The following ASIC2 variants were observed in gnomAD, a reference collection of about 807,000 sequenced individuals.
ASIC2 encodes the protein acid-sensing ion channel 2.
ASIC2 carries 25 observed loss-of-function variants against 57.3 expected under a neutral mutation model. The observed-to-expected ratio is 0.44, with a 90% CI of 0.32 to 0.61. ASIC2 has a LOEUF of 0.61. ASIC2 is among the 20% of genes least tolerant of loss of function. ASIC2 has a pLI of 0.06. For missense variants in ASIC2, 641 were observed against 738.1 expected, an observed-to-expected ratio of 0.87 and a Z score of 1.52; for synonymous variants, 319 against 307.5, an observed-to-expected ratio of 1.04 and a Z score of -0.39.
At chr17:33,559,402 A>T (rs555618707) in intron 1 of ASIC2, among the ~76,000 whole-genome samples, 3 of 152,186 alleles carry the variant, frequency 2.0e-5, no homozygotes, top group African/African-American at 4.8e-5. Context: ...CATGCTCTAT[A>T]TGGGCTCTGC....
chr17:33,233,674 T>C (rs1428683836), intron 1 of ASIC2, among the ~76,000 whole-genome samples: 1 of 152,040 alleles, frequency 6.6e-6, no homozygotes, highest in Non-Finnish European at 1.5e-5. Flanking sequence ...ACACATGCTG[T>C]GTAGGCTGAC....
At chr17:33,312,826 T>C (rs2142206965) in intron 1 of ASIC2, among the ~76,000 whole-genome samples, 1 of 152,116 alleles carries the variant, frequency 6.6e-6, no homozygotes, top group South Asian at 2.1e-4. Context: ...ATCCTGGCTC[T>C]TCGGGAAGCC....
At chr17:33,399,436 T>C (rs990179859) in intron 1 of ASIC2, among the ~76,000 whole-genome samples, 2 of 151,726 alleles carry the variant, frequency 1.3e-5, no homozygotes, top group African/African-American at 4.8e-5. Flanking sequence ...ACATCCCCCT[T>C]CCCCCTCTGT....
chr17:34,007,028 T>A (rs772953269), intron 1 of ASIC2, among the ~76,000 whole-genome samples: 4 of 152,186 alleles, frequency 2.6e-5, no homozygotes, highest in Non-Finnish European at 5.9e-5. Flanking sequence ...CCATCCTGGT[T>A]TGACCATGCC....
At chr17:33,149,121 A>G (rs1168120230) in intron 1 of ASIC2, among the ~76,000 whole-genome samples, 1 of 152,172 alleles carries the variant, frequency 6.6e-6, no homozygotes, top group Non-Finnish European at 1.5e-5. Context: ...ACAAAAACAA[A>G]AAAACAAAAA....
At chr17:33,870,601 T>A (rs1914379076) in intron 1 of ASIC2, among the ~76,000 whole-genome samples, 1 of 151,944 alleles carries the variant, frequency 6.6e-6, no homozygotes, top group South Asian at 2.1e-4. Flanking sequence ...ATTTTCGGAA[T>A]CTACTTGTTG....
chr17:33,564,045 A>T (rs955780328), intron 1 of ASIC2, among the ~76,000 whole-genome samples: 1 of 152,190 alleles, frequency 6.6e-6, no homozygotes, highest in Non-Finnish European at 1.5e-5. Context: ...CCCTGCAGGA[A>T]GTCACATATT....
At chr17:34,067,123 T>A (rs1187150502) in intron 1 of ASIC2, among the ~76,000 whole-genome samples, 1 of 152,190 alleles carries the variant, frequency 6.6e-6, no homozygotes, top group African/African-American at 2.4e-5. Context: ...TTGTGTCACA[T>A]TTCTTTGTAT....
chr17:33,234,148 T>G (rs1244661551), intron 1 of ASIC2, among the ~76,000 whole-genome samples: 1 of 152,200 alleles, frequency 6.6e-6, no homozygotes, highest in Non-Finnish European at 1.5e-5. Context: ...CTGGAGCGAT[T>G]TTTTTTCTTT....
intron 1 of ASIC2, among the ~76,000 whole-genome samples, chr17:33,841,427 A>G (rs1229802513): frequency 3.3e-5 from 5 of 152,270 alleles, no homozygotes; most frequent in Non-Finnish European, 7.3e-5. Flanking sequence ...GCTGGAGGCT[A>G]TTAGCCACCT....
At chr17:34,114,398 G>A (rs756362603) in intron 1 of ASIC2, among the ~76,000 whole-genome samples, 1 of 152,144 alleles carries the variant, frequency 6.6e-6, no homozygotes, top group African/African-American at 2.4e-5. Context: ...AGGTCTGTGA[G>A]GGTGAGAGAG....
intron 1 of ASIC2, among the ~76,000 whole-genome samples, chr17:33,690,813 A>G (rs7502921): frequency 0.046 from 6,241 of 135,588 alleles, 435 homozygotes; most frequent in African/African-American, 0.16. Context: ...TCAGTGGCGC[A>G]ATCTTGGCTC....
intron 1 of ASIC2, among the ~76,000 whole-genome samples, chr17:33,998,447 G>A (rs1291164639): frequency 6.6e-6 from 1 of 151,778 alleles, no homozygotes; most frequent in Non-Finnish European, 1.5e-5. Flanking sequence ...AGTTCCTTGA[G>A]GTATACAGTT....
intron 1 of ASIC2, among the ~76,000 whole-genome samples, chr17:33,394,634 G>T (rs975110324): frequency 6.6e-6 from 1 of 152,072 alleles, no homozygotes; most frequent in Non-Finnish European, 1.5e-5. Flanking sequence ...CTGGGACTAG[G>T]GTGAGCCAAG....
At chr17:33,788,108 A>G (rs1911660285) in intron 1 of ASIC2, among the ~76,000 whole-genome samples, 1 of 152,198 alleles carries the variant, frequency 6.6e-6, no homozygotes, top group Non-Finnish European at 1.5e-5. Context: ...AGAAACTATC[A>G]TCAGAGTGAA....
intron 1 of ASIC2, among the ~76,000 whole-genome samples, chr17:33,381,960 G>A (rs1006120399): frequency 4.6e-5 from 7 of 152,284 alleles, no homozygotes; most frequent in Admixed American, 6.5e-5. Flanking sequence ...CAGGGAATGC[G>A]TAGTAATATA....
At chr17:33,548,942 T>G (rs997095873) in intron 1 of ASIC2, among the ~76,000 whole-genome samples, 2 of 152,174 alleles carry the variant, frequency 1.3e-5, no homozygotes, top group African/African-American at 4.8e-5. Context: ...TTGCCTTCTT[T>G]ATTCTCTATC....
chr17:33,528,023 C>T (rs2141958931), intron 1 of ASIC2, among the ~76,000 whole-genome samples: 1 of 152,250 alleles, frequency 6.6e-6, no homozygotes, highest in Non-Finnish European at 1.5e-5. Flanking sequence ...GCCTTGGTAA[C>T]CCCAAGAAGA....
rs544807306 is a variant in ASIC2, at chr17:33,162,094, G to A, written c.709-50027C>T. On this transcript the variant is annotated intron_variant, in intron 1 of 9. Transcript: ENST00000225823. ...TGACCACCTGACGTGACTCTTTCAT[G>A]TTGCCTAGCAGTCATCTCTTCCAAG... is the stretch of plus-strand genomic sequence containing the variant. Among the ~76,000 whole-genome samples the A allele has an allele frequency of 7.9e-5, 12 of 152,212 alleles. No homozygotes were observed. In the South Asian group the frequency reaches 2.1e-3, roughly 26 times the overall value.
Sources: gnomAD v4.1 joint callset for allele counts (sites outside exome capture counted in the v4.1 genomes callset) on GRCh38, gnomAD v4.1.1 for gene constraint, MANE v1.5 for transcripts, NCBI Gene and HGNC (gene_info 2026-07-23, HGNC 2026-07-21) for gene names.